COL5A2: variants seen among roughly 807,000 people sequenced by gnomAD.
COL5A2 encodes collagen type V alpha 2 chain.
A neutral mutation model predicts 208.2 loss-of-function variants in COL5A2; 23 were observed. The ratio of observed to expected loss-of-function variants is 0.11; its 90% confidence interval spans 0.08 to 0.16. The LOEUF is 0.16. COL5A2 is among the 10% of genes least tolerant of loss of function. The probability of loss-of-function intolerance (pLI) is 1.00; values close to 1 mark genes in which losing one functional copy is unlikely to be tolerated. For missense variants in COL5A2, 1,590 were observed against 1,956.4 expected (o/e 0.81, Z 3.53); for synonymous variants, 625 against 628.5 (o/e 0.99, Z 0.08).
chr2:189,427,279 T>A, the COL5A2 span, among the ~76,000 whole-genome samples: 1 of 152,240 alleles, frequency 6.6e-6, no homozygotes, highest in Non-Finnish European at 1.5e-5. Flanking sequence ...GCTGTAAACC[T>A]TGGTAGCTTC....
intron 1 of COL5A2, among the ~76,000 whole-genome samples, chr2:189,200,568 A>G (rs1032181723): frequency 1.4e-5 from 2 of 146,070 alleles, no homozygotes; most frequent in African/African-American, 5.1e-5. Flanking sequence ...ACAGAAAAAA[A>G]TACTGAAGAG....
At chr2:189,295,948 G>T in the COL5A2 span, among the ~76,000 whole-genome samples, 2 of 151,488 alleles carry the variant, frequency 1.3e-5, no homozygotes, top group Non-Finnish European at 2.9e-5. Flanking sequence ...CACAGATGTG[G>T]TTTTTTTGTA....
chr2:189,400,696 A>G, the COL5A2 span, among the ~76,000 whole-genome samples: 3 of 152,230 alleles, frequency 2.0e-5, no homozygotes, highest in Non-Finnish European at 2.9e-5. Flanking sequence ...ACCAATAGAC[A>G]TGACCGATAT....
At chr2:189,359,605 G>A in the COL5A2 span, among the ~76,000 whole-genome samples, 3 of 152,064 alleles carry the variant, frequency 2.0e-5, no homozygotes, top group South Asian at 2.1e-4. Context: ...AAGTATTCCC[G>A]CCTCTTCAAC....
chr2:189,240,599 A>C, the COL5A2 span, among the ~76,000 whole-genome samples: 1 of 152,190 alleles, frequency 6.6e-6, no homozygotes, highest in Non-Finnish European at 1.5e-5. Flanking sequence ...TGATGCTGTC[A>C]GTGTTTTATG....
intron 31 of COL5A2, among the ~76,000 whole-genome samples, chr2:189,059,507 A>C (rs1306679181): frequency 6.7e-6 from 1 of 148,684 alleles, no homozygotes; most frequent in Non-Finnish European, 1.5e-5. Flanking sequence ...TCCGAAATGG[A>C]CTGTCCTCAC....
rs146817411 is a variant in COL5A2, at chr2:189,202,833, A to C, written c.-42+22315T>G. On this transcript the variant is annotated intron_variant, in intron 1 of 10. Transcript: ENST00000649966. ...ATTCATTTATTAACCTTTTCTAGTT[A>C]CCAATTTTGATTTCACTACCTATTA... 6.6e-5 allele frequency among the ~76,000 whole-genome samples: 10 copies of C among 152,274 alleles called. 1 individual carries two copies. Among genetic ancestry groups the C allele is most frequent in the African/African-American group, 2.4e-4 (10 of 41,558 alleles).
chr2:189,282,337 T>C, the COL5A2 span, among the ~76,000 whole-genome samples: 1 of 152,204 alleles, frequency 6.6e-6, no homozygotes, highest in Non-Finnish European at 1.5e-5. Flanking sequence ...CATATTATCA[T>C]GTATTTAAAA....
the COL5A2 span, among the ~76,000 whole-genome samples, chr2:189,333,330 G>C: frequency 6.6e-6 from 1 of 152,112 alleles, no homozygotes; most frequent in East Asian, 1.9e-4. Context: ...ATCAAGAGGA[G>C]AAATAGAGTA....
the COL5A2 span, among the ~76,000 whole-genome samples, chr2:189,409,204 CTTT>C: frequency 3.3e-5 from 3 of 92,084 alleles, no homozygotes; most frequent in Admixed American, 2.9e-4. Context: ...TAAATTTACT[CTTT>C]TTTTTTTTTT....
chr2:189,155,263 CA>C (rs1164057719), intron 1 of COL5A2, among the ~76,000 whole-genome samples: 2 of 152,196 alleles, frequency 1.3e-5, no homozygotes, highest in African/African-American at 2.4e-5. Flanking sequence ...GCTAGGATAA[CA>C]GGCATGAGCC....
At chr2:189,050,539 G>A in intron 43 of COL5A2, 30 bp downstream of exon 43, 6 of 1,474,924 alleles carry the variant, frequency 4.1e-6, no homozygotes, top group Non-Finnish European at 5.6e-6. Context: ...GCACATATGA[G>A]ATAAAATATT....
the COL5A2 span, among the ~76,000 whole-genome samples, chr2:189,238,223 G>T: frequency 6.6e-6 from 1 of 152,000 alleles, no homozygotes; most frequent in East Asian, 1.9e-4. Context: ...TTTCTCTCTT[G>T]ATGTTTTAAA....
At chr2:189,103,385 T>C (rs73978885) in intron 3 of COL5A2, among the ~76,000 whole-genome samples, 2,347 of 152,128 alleles carry the variant, frequency 0.015, 24 homozygotes, top group Non-Finnish European at 0.02. Context: ...TTATCATGAA[T>C]GTGTAGCATT....
At chr2:189,344,011 G>T in the COL5A2 span, among the ~76,000 whole-genome samples, 2 of 152,132 alleles carry the variant, frequency 1.3e-5, no homozygotes, top group Non-Finnish European at 2.9e-5. Context: ...CTTGAAAATT[G>T]CTTGGACTTA....
the COL5A2 span, among the ~76,000 whole-genome samples, chr2:189,265,604 A>T: frequency 6.6e-6 from 1 of 152,214 alleles, no homozygotes; most frequent in Non-Finnish European, 1.5e-5. Flanking sequence ...ATTCAAAAGT[A>T]CCTGGGGTTA....
intron 37 of COL5A2, 117 bp downstream of exon 37, chr2:189,053,778 G>A (rs1368636892): frequency 1.1e-6 from 1 of 945,198 alleles, no homozygotes; most frequent in African/African-American, 1.7e-5. Context: ...TAAAAACCAG[G>A]AAGTTATACA....
In COL5A2 at chr2:189,186,251, C is replaced by G. The variant is rs369397950; in HGVS notation, c.-42+38897G>C. Among the ~76,000 whole-genome samples, 4 of 152,202 alleles carry G rather than the reference C, an allele frequency of 2.6e-5. No individual in the cohort carries two copies. In the East Asian group the frequency reaches 7.7e-4, roughly 29 times the overall value. ...GGCTCAAACAATCCTCCTGCCTCAG[C>G]CTCCCAAAGTGCTGGGATTACAGAC... On this transcript the variant is annotated intron_variant, in intron 1 of 10. Transcript: ENST00000649966.
chr2:189,254,633 C>T, the COL5A2 span, among the ~76,000 whole-genome samples: 1 of 152,234 alleles, frequency 6.6e-6, no homozygotes. Flanking sequence ...CCTGGCAGCA[C>T]AACCGTCCTG....
Sources: gnomAD v4.1 joint callset for allele counts (sites outside exome capture counted in the v4.1 genomes callset) on GRCh38, gnomAD v4.1.1 for gene constraint, MANE v1.5 for transcripts, NCBI Gene and HGNC (gene_info 2026-07-23, HGNC 2026-07-21) for gene names.